ROBO1: variants seen among roughly 807,000 people sequenced by gnomAD.
The protein encoded by ROBO1 is roundabout homolog 1.
ROBO1 carries 149 observed loss-of-function variants against 195.9 expected under a neutral mutation model. The observed-to-expected ratio is 0.76, with a 90% confidence interval of 0.67 to 0.87. The LOEUF is 0.87. ROBO1 is among the 40% of genes least tolerant of loss of function. The pLI is 0.00. For missense variants in ROBO1, 1,933 were observed against 2,068.3 expected, an observed-to-expected ratio of 0.93 and a Z score of 1.27; for synonymous variants, 816 against 733.2, an observed-to-expected ratio of 1.11 and a Z score of -1.82.
chr3:79,018,333 T>A, intron 3 of ROBO1: 1 of 1,575,766 alleles, frequency 6.3e-7, no homozygotes. Flanking sequence ...AATACACTTC[T>A]GGGTTTGATC....
intron 1 of ROBO1, among the ~76,000 whole-genome samples, chr3:79,681,034 G>A (rs1239585588): frequency 2.0e-5 from 3 of 152,112 alleles, no homozygotes; most frequent in Non-Finnish European, 4.4e-5. Flanking sequence ...GGAATCAAGA[G>A]AACGGTGTAT....
chr3:79,680,957 T>C (rs1198774307), intron 1 of ROBO1, among the ~76,000 whole-genome samples: 13 of 151,912 alleles, frequency 8.6e-5, no homozygotes. Context: ...GAAGTGTTTA[T>C]TGATAATGAC....
intron 2 of ROBO1, among the ~76,000 whole-genome samples, chr3:79,155,121 T>C (rs1271885418): frequency 6.6e-6 from 1 of 151,660 alleles, no homozygotes; most frequent in Non-Finnish European, 1.5e-5. Flanking sequence ...AGGCTACATC[T>C]ATGTCTCAAA....
At chr3:79,207,451 G>A (rs899628817) in intron 2 of ROBO1, among the ~76,000 whole-genome samples, 1 of 151,972 alleles carries the variant, frequency 6.6e-6, no homozygotes. Flanking sequence ...CTTTCCAGTC[G>A]TAATCGATTG....
intron 4 of ROBO1, among the ~76,000 whole-genome samples, chr3:78,784,303 T>C (rs1007211671): frequency 6.6e-6 from 1 of 152,134 alleles, no homozygotes; most frequent in African/African-American, 2.4e-5. Context: ...CCATAAAAAC[T>C]CTAAATATCA....
chr3:79,632,169 A>C (rs552589803), intron 1 of ROBO1, among the ~76,000 whole-genome samples: 13 of 152,160 alleles, frequency 8.5e-5, no homozygotes, highest in Non-Finnish European at 2.9e-5. Context: ...TATCGAAAAG[A>C]CATCTGCACT....
intron 10 of ROBO1, among the ~76,000 whole-genome samples, chr3:78,673,500 A>T (rs1435147706): frequency 7.1e-6 from 1 of 141,240 alleles, no homozygotes; most frequent in East Asian, 2.0e-4. Flanking sequence ...AATATATAAA[A>T]TATATAAAAT....
intron 4 of ROBO1, among the ~76,000 whole-genome samples, chr3:78,791,941 G>C (rs1280515877): frequency 1.3e-5 from 2 of 152,228 alleles, no homozygotes; most frequent in Admixed American, 6.5e-5. Flanking sequence ...AGCTCAAAAT[G>C]AGCTGAGCCA....
intron 3 of ROBO1, among the ~76,000 whole-genome samples, chr3:79,072,422 A>G (rs1419468410): frequency 6.6e-6 from 1 of 151,914 alleles, no homozygotes; most frequent in Non-Finnish European, 1.5e-5. Flanking sequence ...TGTGAAAAAA[A>G]CCAAATAATA....
At chr3:79,446,853 T>C (rs2039275839) in intron 2 of ROBO1, among the ~76,000 whole-genome samples, 1 of 152,194 alleles carries the variant, frequency 6.6e-6, no homozygotes, top group South Asian at 2.1e-4. Flanking sequence ...AGATGGAGTC[T>C]TCCTCTGTCA....
intron 4 of ROBO1, among the ~76,000 whole-genome samples, chr3:78,900,172 C>T (rs547533346): frequency 6.6e-6 from 1 of 152,226 alleles, no homozygotes; most frequent in East Asian, 1.9e-4. Context: ...CACATAACTG[C>T]ACTTTTCTAA....
At chr3:79,686,315 C>A (rs1160667778) in intron 1 of ROBO1, among the ~76,000 whole-genome samples, 1 of 152,114 alleles carries the variant, frequency 6.6e-6, no homozygotes, top group East Asian at 1.9e-4. Flanking sequence ...TGGCACAAGA[C>A]AGGGATGCCC....
intron 3 of ROBO1, among the ~76,000 whole-genome samples, chr3:79,056,498 A>G (rs1019382931): frequency 1.3e-5 from 2 of 152,100 alleles, no homozygotes; most frequent in Non-Finnish European, 2.9e-5. Flanking sequence ...TCGATAAACA[A>G]CGTATTCAAC....
chr3:78,779,582 T>C (rs2083611012), intron 4 of ROBO1, among the ~76,000 whole-genome samples: 1 of 152,094 alleles, frequency 6.6e-6, no homozygotes, highest in Non-Finnish European at 1.5e-5. Flanking sequence ...AGTTAGAATG[T>C]TGTTCATTCA....
chr3:79,223,977 T>C (rs1431534619), intron 2 of ROBO1, among the ~76,000 whole-genome samples: 1 of 152,216 alleles, frequency 6.6e-6, no homozygotes, highest in Non-Finnish European at 1.5e-5. Flanking sequence ...TGTTTTATTC[T>C]AGGACAAATG....
At chr3:79,360,628 T>C in intron 2 of ROBO1, among the ~76,000 whole-genome samples, 1 of 151,988 alleles carries the variant, frequency 6.6e-6, no homozygotes. Context: ...TTGGACACTT[T>C]ACATGGATTA....
Position 78,766,916 on chromosome 3 carries a change from G to A in ROBO1, c.500-20016C>T, listed in dbSNP as rs543078045. Among the ~76,000 whole-genome samples the A allele has an allele frequency of 5.3e-5, 8 of 152,124 alleles. No homozygotes were observed. In the South Asian group the frequency reaches 1.0e-3, roughly 20 times the overall value. ...GTTAATTCTGTTTATATGGTGTATCGCATTGACTGGCTTGCATATGTTAAG... is the reference window on the plus strand; with the variant it reads ...GTTAATTCTGTTTATATGGTGTATCACATTGACTGGCTTGCATATGTTAAG... On this transcript the variant is annotated intron_variant, in intron 4 of 30. Transcript: ENST00000464233.
At chr3:79,323,845 C>T (rs942782986) in intron 2 of ROBO1, among the ~76,000 whole-genome samples, 10 of 152,082 alleles carry the variant, frequency 6.6e-5, no homozygotes, top group South Asian at 2.1e-4. Flanking sequence ...TTGCAAATTA[C>T]GCATTTTCCT....
intron 2 of ROBO1, among the ~76,000 whole-genome samples, chr3:79,272,549 T>C (rs935515697): frequency 6.6e-6 from 1 of 152,090 alleles, no homozygotes; most frequent in African/African-American, 2.4e-5. Flanking sequence ...GCCTACACTA[T>C]GCTTCTCCCA....
Sources: allele counts gnomAD v4.1 joint callset (sites outside exome capture counted in the v4.1 genomes callset), GRCh38; gene constraint gnomAD v4.1.1; transcripts MANE v1.5; gene names NCBI Gene and HGNC (gene_info 2026-07-23, HGNC 2026-07-21).